RIF1: variants seen among roughly 807,000 people sequenced by gnomAD.
The protein encoded by RIF1 is replication timing regulatory factor 1.
In RIF1, 45 loss-of-function variants were observed where a neutral mutation model predicts 247.1. That is an observed-to-expected ratio of 0.18 (90% CI 0.14 to 0.23). The LOEUF is 0.23. Among genes scored for constraint, RIF1 ranks in the 10% least tolerant of loss-of-function variants. RIF1 has a pLI of 1.00. For missense variants in RIF1, 2,967 were observed against 2,862.5 expected (o/e 1.04, Z -0.83); for synonymous variants, 1,087 against 978.8 (o/e 1.11, Z -2.06).
chr2:151,506,207 C>T (rs1559338128), intron 12 of RIF1: 1 of 1,613,810 alleles, frequency 6.2e-7, no homozygotes, highest in Non-Finnish European at 8.5e-7. Context: ...CTCATCATCT[C>T]AGGTGTCTTT....
At position 151,435,449 on chromosome 2, in the gene RIF1, C is replaced by A; in HGVS notation, c.1078-14C>A. 6.8e-7 allele frequency: 1 copy of A among 1,463,364 alleles called. No homozygotes were observed. Among genetic ancestry groups the A allele is most frequent in the Non-Finnish European group, 9.6e-7 (1 of 1,043,776 alleles). 90.6% of individuals were successfully genotyped at this position (1,463,364 alleles called of 1,614,324 possible). ...TGTATAGTTTATAGATCGATGTTTT[C>A]TTTTACCCCATAGGTTTGTGTGCCT... On this transcript the variant is annotated splice_polypyrimidine_tract_variant and intron_variant, in intron 10 of 35. Coordinates refer to ENST00000444746, the MANE Select transcript of RIF1 (RefSeq NM_018151.5).
chr2:151,498,437 GGAGGAAGAGAGTAAGTTA>G, intron 10 of RIF1: 4 of 922,436 alleles, frequency 4.3e-6, no homozygotes, highest in Non-Finnish European at 6.6e-6. Flanking sequence ...GAGTGGGAAG[GGAGGAAGAGAGTAAGTTA>G]GAGGAAGAGA....
At chr2:151,499,696 T>C (rs1327099923) in intron 11 of RIF1, among the ~76,000 whole-genome samples, 1 of 152,214 alleles carries the variant, frequency 6.6e-6, no homozygotes, top group Admixed American at 6.5e-5. Flanking sequence ...CAGTGTACAA[T>C]AGAAAAATTG....
chr2:151,481,691 A>C lies in RIF1; in HGVS notation c.*6620A>C, dbSNP rs1273034641. On this transcript the variant is annotated 3_prime_UTR_variant, in exon 36 of 36. Coordinates refer to ENST00000444746, the MANE Select transcript of RIF1 (RefSeq NM_018151.5). ...CCTCAGTTACCTGCAAATAATGGAA[A>C]TAATGGTGCAGTCAGTTTTATTTGA... is the stretch of plus-strand genomic sequence containing the variant. 1 of 152,266 alleles carries C rather than the reference A, an allele frequency of 6.6e-6. No individual in the cohort carries two copies. The highest frequency in any genetic ancestry group is 1.5e-5 in the Non-Finnish European group (1 of 68,046). 9.4% of individuals were successfully genotyped at this position (152,266 alleles called of 1,614,324 possible).
chr2:151,507,735 T>A (rs907460424), exon 14 of RIF1: 2 of 371,500 alleles, frequency 5.4e-6, no homozygotes, highest in Non-Finnish European at 9.8e-6. Context: ...ACAGGGGTTT[T>A]CGCCATGAAC....
intron 22 of RIF1, 150 bp from the exon 23 acceptor site, chr2:151,456,428 G>GT (rs201173032): frequency 0.034 from 17,167 of 500,708 alleles, 669 homozygotes; most frequent in East Asian, 0.13. Context: ...TAGTATTTGA[G>GT]TTTTTTACTT....
chr2:151,458,948 C>A, intron 25 of RIF1, 38 bp downstream of exon 25: 2 of 1,254,820 alleles, frequency 1.6e-6, no homozygotes, highest in Non-Finnish European at 2.3e-6. Flanking sequence ...TGTTTTTGGA[C>A]ATTTAAGTTA....
Position 151,437,317 on chromosome 2 carries a change from T to A in RIF1, c.1449T>A (p.His483Gln), listed in dbSNP as rs377498182. Residue 483 changes from histidine to glutamine, a missense_variant, in exon 13 of 36, where the codon CAT (histidine) becomes CAA (glutamine). Transcript: ENST00000444746. ...CAAATACACTTATCACTGCTGTTCATGATAGCTTTGTTGCAGTTGGAAAAG... is the reference window on the plus strand; with the variant it reads ...CAAATACACTTATCACTGCTGTTCAAGATAGCTTTGTTGCAGTTGGAAAAG... The part of the protein sequence containing the change: ...KHANTLITAV[H>Q]DSFVAVGKDA... 37 of 1,613,706 alleles carry A rather than the reference T, an allele frequency of 2.3e-5. No individual in the cohort carries two copies. The highest frequency in any genetic ancestry group is 2.9e-5 in the Non-Finnish European group (34 of 1,179,722).
In RIF1 at chr2:151,454,848, A is replaced by G; in HGVS notation, c.2345-47A>G. 1.6e-5 allele frequency: 23 copies of G among 1,415,446 alleles called. 1 individual carries two copies. Among genetic ancestry groups the G allele is most frequent in the South Asian group, 2.8e-5 (2 of 71,954 alleles). The allele number at this position is 1,415,446 out of a possible 1,614,324, so 87.7% of individuals were successfully genotyped here. ...ATTGTAAAAGTGGACAGTGACTCCT[A>G]TTTTCAATTTATTTGAGTTTTTAAT... On this transcript the variant is annotated intron_variant, in intron 21 of 35. Coordinates refer to ENST00000444746, the MANE Select transcript of RIF1 (RefSeq NM_018151.5).
chr2:151,417,899 T>G (rs1687487087), intron 6 of RIF1, among the ~76,000 whole-genome samples: 2 of 152,222 alleles, frequency 1.3e-5, no homozygotes, highest in Non-Finnish European at 2.9e-5. Flanking sequence ...GCTACAGACC[T>G]GTACAGTATA....
At chr2:151,462,202 C>G (rs199758389) in intron 27 of RIF1, 40 bp from the exon 28 acceptor site, 1 of 679,310 alleles carries the variant, frequency 1.5e-6, no homozygotes. Context: ...GTAAGAATAT[C>G]ATCCGGTTTT....
rs760635015 is a variant in RIF1 at position 151,492,185 on chromosome 2, A to G, written c.*416-3044A>G. The G allele has an allele frequency of 6.8e-6, 11 of 1,613,764 alleles. No individual in the cohort carries two copies. The highest frequency in any genetic ancestry group is 2.7e-5 in the African/African-American group (2 of 74,902). On this transcript the variant is annotated intron_variant and NMD_transcript_variant, in intron 9 of 13. Coordinates refer to the RIF1 transcript ENST00000454583. ...ATACCTCGGTAGTTAATGTCACTGA[A>G]GTCCTGCATGTTCTTCTTTACTCGT... is the stretch of plus-strand genomic sequence containing the variant.
At chr2:151,497,881 A>C in intron 10 of RIF1, 1 of 1,499,086 alleles carries the variant, frequency 6.7e-7, no homozygotes, top group Non-Finnish European at 8.8e-7. Flanking sequence ...GGGATAGGGA[A>C]TCTGCACCCT....
At chr2:151,490,593 T>A in intron 9 of RIF1, 1 of 1,511,036 alleles carries the variant, frequency 6.6e-7, no homozygotes, top group South Asian at 1.2e-5. Context: ...AGTGATTGAA[T>A]CTCAGTTATT....
chr2:151,442,767 A>ATT (rs59128582), intron 16 of RIF1, among the ~76,000 whole-genome samples: 2,039 of 103,984 alleles, frequency 0.02, 97 homozygotes, highest in East Asian at 0.037. Context: ...AAAGAGCTTG[A>ATT]TTTTTTTTTT....
At chr2:151,455,204 T>G (rs768655947) in intron 22 of RIF1, 45 bp downstream of exon 22, 2 of 1,430,204 alleles carry the variant, frequency 1.4e-6, no homozygotes, top group Non-Finnish European at 1.9e-6. Context: ...TGTATACAAT[T>G]TAAATATAGG....
At chr2:151,415,174 C>T (rs1686970034) in intron 4 of RIF1, among the ~76,000 whole-genome samples, 2 of 151,560 alleles carry the variant, frequency 1.3e-5, no homozygotes, top group South Asian at 2.1e-4. Context: ...GGTGAAACCC[C>T]GTCTGTACTA....
Position 151,410,344 on chromosome 2 carries a change from TCA to T in RIF1, c.-10-66_-10-65del, listed in dbSNP as rs1024718230. On this transcript the variant is annotated intron_variant, in intron 1 of 35. Transcript: ENST00000444746. The stretch of plus-strand genomic sequence containing the variant: ...GGGCGTGCGGGTGTGAGGGCCGGAC[TCA>T]CACTGGGCCGCCGCGGGGCTGTTTC... 3.1e-6 allele frequency: 4 copies of T among 1,286,738 alleles called. No individual in the cohort carries two copies. The African/African-American group carries it at 5.8e-5, about 19-fold the overall frequency. 79.7% of individuals were successfully genotyped at this position (1,286,738 alleles called of 1,614,324 possible).
the RIF1 span, among the ~76,000 whole-genome samples, chr2:151,527,852 C>G: frequency 3.9e-5 from 6 of 152,168 alleles, no homozygotes; most frequent in Non-Finnish European, 8.8e-5. Context: ...TCTAGTTCTG[C>G]CAGTCCAGCC....
Sources: allele counts gnomAD v4.1 joint callset (sites outside exome capture counted in the v4.1 genomes callset), GRCh38; gene constraint gnomAD v4.1.1; transcripts MANE v1.5; gene names NCBI Gene and HGNC (gene_info 2026-07-23, HGNC 2026-07-21).